ANK2: variants seen among roughly 807,000 people sequenced by gnomAD.
ANK2 encodes the protein ankyrin 2.
In ANK2, 83 loss-of-function variants were observed where a neutral mutation model predicts 360.5. The ratio of observed to expected loss-of-function variants is 0.23; its 90% CI spans 0.19 to 0.28. The LOEUF is 0.28. ANK2 is among the 10% of genes least tolerant of loss of function. The pLI is 1.00. For missense variants in ANK2, 4,201 were observed against 4,795.7 expected, an observed-to-expected ratio of 0.88 and a Z score of 3.66; for synonymous variants, 1,740 against 1,759.5, an observed-to-expected ratio of 0.99 and a Z score of 0.28.
chr4:112,988,047 C>T (rs970798205), intron 2 of ANK2, among the ~76,000 whole-genome samples: 2 of 152,164 alleles, frequency 1.3e-5, no homozygotes, highest in Non-Finnish European at 2.9e-5. Flanking sequence ...AGTATGTACA[C>T]TAGCATTTCC....
chr4:113,281,085 T>C (rs927719184), intron 17 of ANK2, among the ~76,000 whole-genome samples: 3 of 152,216 alleles, frequency 2.0e-5, no homozygotes, highest in Non-Finnish European at 4.4e-5. Flanking sequence ...AAATGAAAGA[T>C]ACTTATTCTT....
At chr4:112,894,474 A>G (rs919536561) in intron 1 of ANK2, among the ~76,000 whole-genome samples, 1 of 150,060 alleles carries the variant, frequency 6.7e-6, no homozygotes, top group Non-Finnish European at 1.5e-5. Context: ...TGAAAGTACA[A>G]ATGAATGCTG....
intron 34 of ANK2, among the ~76,000 whole-genome samples, chr4:113,344,653 A>T (rs889232451): frequency 2.6e-5 from 4 of 152,174 alleles, no homozygotes; most frequent in African/African-American, 9.6e-5. Flanking sequence ...CCAAAGGTCC[A>T]CAAACAAAAT....
Position 113,357,253 on chromosome 4 carries a change from A to G in ANK2, c.8635A>G (p.Thr2879Ala). 1 of 1,614,030 alleles carries G rather than the reference A, an allele frequency of 6.2e-7. No homozygotes were observed. The highest frequency in any genetic ancestry group is 8.5e-7 in the Non-Finnish European group (1 of 1,179,982). ...SSIQKTEVTK[T>A]DETFENLPKD... ...TATTCAAAAAACAGAGGTCACAAAA[A>G]CTGATGAAACATTTGAGAACTTACC... The change falls in exon 38 of 46, where the codon ACT (threonine) becomes GCT (alanine). Residue 2879 changes from threonine to alanine, a missense_variant. Thr to Ala is a moderately conservative substitution (Grantham distance 58). Transcript: ENST00000357077.
the ANK2 span, among the ~76,000 whole-genome samples, chr4:112,767,825 T>C: frequency 4.9e-4 from 74 of 152,294 alleles, no homozygotes; most frequent in East Asian, 0.014. Context: ...AAGGACTTAA[T>C]TGCCTCAAAA....
the ANK2 span, among the ~76,000 whole-genome samples, chr4:112,771,151 T>C: frequency 6.6e-6 from 1 of 152,244 alleles, no homozygotes; most frequent in African/African-American, 2.4e-5. Context: ...TCACTCTTGT[T>C]GCCCAGGCTG....
chr4:112,994,640 T>C (rs1466234570), intron 2 of ANK2, among the ~76,000 whole-genome samples: 1 of 152,202 alleles, frequency 6.6e-6, no homozygotes, highest in African/African-American at 2.4e-5. Context: ...AGGGGGTACA[T>C]GTGCAATCTT....
intron 2 of ANK2, among the ~76,000 whole-genome samples, chr4:113,016,991 C>G (rs1463937811): frequency 6.6e-6 from 1 of 152,184 alleles, no homozygotes; most frequent in Non-Finnish European, 1.5e-5. Context: ...CCGCTATCAT[C>G]TACTATCCCG....
At chr4:113,257,804 T>C (rs1372669243) in intron 11 of ANK2, among the ~76,000 whole-genome samples, 1 of 152,232 alleles carries the variant, frequency 6.6e-6, no homozygotes, top group Non-Finnish European at 1.5e-5. Flanking sequence ...CATGTATTTT[T>C]CTTCACTTTT....
intron 1 of ANK2, chr4:112,826,951 C>T (rs2058544259): frequency 1.3e-6 from 2 of 1,536,962 alleles, no homozygotes; most frequent in East Asian, 2.2e-5. Context: ...TTGGTTGGCA[C>T]ACTCATTCAG....
chr4:113,026,875 C>G (rs916426334), intron 2 of ANK2, among the ~76,000 whole-genome samples: 2 of 151,992 alleles, frequency 1.3e-5, no homozygotes, highest in Non-Finnish European at 2.9e-5. Flanking sequence ...TTATTGGAAA[C>G]CTTGGAAAGG....
chr4:113,026,189 C>T (rs949300008), intron 2 of ANK2, among the ~76,000 whole-genome samples: 3 of 152,138 alleles, frequency 2.0e-5, no homozygotes, highest in African/African-American at 7.2e-5. Context: ...AGGACCGCTG[C>T]AATTTAGTTC....
chr4:113,244,837 C>A (rs1018542917), intron 9 of ANK2, among the ~76,000 whole-genome samples: 6 of 152,176 alleles, frequency 3.9e-5, no homozygotes, highest in African/African-American at 1.4e-4. Context: ...CATTGTTCAA[C>A]TCCCACCTAT....
the ANK2 span, among the ~76,000 whole-genome samples, chr4:112,775,545 A>ACACACACAC: frequency 2.0e-5 from 3 of 150,922 alleles, no homozygotes; most frequent in Non-Finnish European, 4.4e-5. Context: ...ACACACACAC[A>ACACACACAC]AGAAAAAAAA....
In ANK2 at chr4:113,002,426, A is replaced by C. The variant is rs570439867; in HGVS notation, c.21+97912A>C. On this transcript the variant is annotated intron_variant, in intron 2 of 30. Coordinates refer to the ANK2 transcript ENST00000503271. ...TGTCCTTTGTAGGGACATGGATGAA[A>C]TTGGAAATCATCATTCTCAGTAAAC... Among the ~76,000 whole-genome samples the C allele has an allele frequency of 4.6e-5, 7 of 152,336 alleles. No homozygotes were observed. The South Asian group carries it at 1.2e-3, about 27-fold the overall frequency.
intron 1 of ANK2, among the ~76,000 whole-genome samples, chr4:112,859,489 G>A (rs960168941): frequency 6.6e-6 from 1 of 152,206 alleles, no homozygotes. Context: ...GATCTACCTG[G>A]TCTCTGCTGC....
At chr4:112,875,483 C>CATTTATTTATTT (rs71582152) in intron 1 of ANK2, among the ~76,000 whole-genome samples, 13,249 of 148,588 alleles carry the variant, frequency 0.089, 735 homozygotes, top group East Asian at 0.12. Context: ...AGGCTAATTA[C>CATTTATTTATTT]ATTTATTTAT....
At chr4:113,230,531 T>C (rs1419154221) in intron 4 of ANK2, among the ~76,000 whole-genome samples, 1 of 152,124 alleles carries the variant, frequency 6.6e-6, no homozygotes, top group African/African-American at 2.4e-5. Context: ...AAAAAAATGT[T>C]TTCTCCTCTT....
upstream of ANK2, among the ~76,000 whole-genome samples, chr4:112,816,265 A>C (rs574023032): frequency 2.8e-4 from 43 of 152,362 alleles, no homozygotes; most frequent in African/African-American, 1.0e-3. Flanking sequence ...CAGTAGAAAC[A>C]GTAGTAGACT....
Sources: allele counts gnomAD v4.1 joint callset (sites outside exome capture counted in the v4.1 genomes callset), GRCh38; gene constraint gnomAD v4.1.1; transcripts MANE v1.5; gene names NCBI Gene and HGNC (gene_info 2026-07-23, HGNC 2026-07-21).